CLDN16: variants seen among roughly 807,000 people sequenced by gnomAD.
CLDN16 encodes claudin 16.
CLDN16 carries 13 observed loss-of-function variants against 24.6 expected under a neutral mutation model. The ratio of observed to expected loss-of-function variants is 0.53; its 90% CI spans 0.34 to 0.84. CLDN16 has a LOEUF of 0.84. Ranked by LOEUF, CLDN16 falls within the 40% of genes least tolerant of loss-of-function variation. The pLI is 0.01. For synonymous variants in CLDN16, 116 were observed against 106.7 expected (o/e 1.09, Z -0.54); for missense variants, 298 against 292.7 (o/e 1.02, Z -0.13).
At chr3:190,377,575 A>G (rs1318331291) in intron 3 of CLDN16, among the ~76,000 whole-genome samples, 1 of 152,076 alleles carries the variant, frequency 6.6e-6, no homozygotes, top group Non-Finnish European at 1.5e-5. Flanking sequence ...TGTGAAAATA[A>G]GTAACAGTTA....
In CLDN16 at chr3:190,336,080, AGTT is replaced by A. The variant is rs71674427; in HGVS notation, n.121+13425_121+13427del. Among the ~76,000 whole-genome samples, 1,027 of 152,236 alleles carry A rather than the reference AGTT, an allele frequency of 6.7e-3. 5 individuals carry two copies. The highest frequency in any genetic ancestry group is 0.023 in the African/African-American group (975 of 41,536). On this transcript the variant is annotated intron_variant and non_coding_transcript_variant, in intron 1 of 4. Transcript: ENST00000468220. Reference sequence around the variant, plus strand: ...ATTATGGAACGTGGAATTTGGTGTTAGTTGTTGTGTGCCTTTTGGTTACTCAGG... The same window carrying A: ...ATTATGGAACGTGGAATTTGGTGTTAGTTGTGTGCCTTTTGGTTACTCAGG...
chr3:190,406,484 A>C (rs1289570878), intron 3 of CLDN16, among the ~76,000 whole-genome samples: 1 of 152,222 alleles, frequency 6.6e-6, no homozygotes, highest in Non-Finnish European at 1.5e-5. Context: ...CAAAACAAAT[A>C]GCATTTAAAA....
At chr3:190,313,592 A>C in the CLDN16 span, among the ~76,000 whole-genome samples, 1 of 152,202 alleles carries the variant, frequency 6.6e-6, no homozygotes, top group Non-Finnish European at 1.5e-5. Flanking sequence ...ATCTCCAGTG[A>C]TGTGAATAGG....
intron 1 of CLDN16, among the ~76,000 whole-genome samples, chr3:190,333,375 A>G (rs1180545993): frequency 2.0e-5 from 3 of 152,162 alleles, no homozygotes; most frequent in Non-Finnish European, 4.4e-5. Flanking sequence ...TGGCACTGTA[A>G]GTATGTTAAC....
chr3:190,330,641 G>C (rs1250119842), intron 1 of CLDN16, among the ~76,000 whole-genome samples: 1 of 152,114 alleles, frequency 6.6e-6, no homozygotes, highest in Non-Finnish European at 1.5e-5. Flanking sequence ...GTTATCTCTT[G>C]TAATAACTGG....
chr3:190,395,995 T>C (rs1341221707), intron 1 of CLDN16, among the ~76,000 whole-genome samples: 2 of 152,148 alleles, frequency 1.3e-5, no homozygotes, highest in Non-Finnish European at 2.9e-5. Flanking sequence ...TTCTCAAGTA[T>C]TTTTTAGTGT....
At chr3:190,335,057 C>CTTTTTTTT (rs1560081025) in intron 1 of CLDN16, among the ~76,000 whole-genome samples, 1 of 138,242 alleles carries the variant, frequency 7.2e-6, no homozygotes, top group Non-Finnish European at 1.6e-5. Context: ...TGTTTGTTTG[C>CTTTTTTTT]TTTTGAGATG....
At chr3:190,372,110 C>T (rs572781291) in intron 2 of CLDN16, among the ~76,000 whole-genome samples, 1 of 152,066 alleles carries the variant, frequency 6.6e-6, no homozygotes, top group Non-Finnish European at 1.5e-5. Context: ...TAGGTCACAT[C>T]CCAGCAGGAT....
chr3:190,390,220 A>T (rs548999373), intron 1 of CLDN16, among the ~76,000 whole-genome samples: 1 of 152,338 alleles, frequency 6.6e-6, no homozygotes, highest in South Asian at 2.1e-4. Flanking sequence ...GTATTGCTAT[A>T]ATATTCCCAA....
intron 1 of CLDN16, among the ~76,000 whole-genome samples, chr3:190,342,325 A>G (rs1458083067): frequency 6.6e-6 from 1 of 152,240 alleles, no homozygotes; most frequent in Non-Finnish European, 1.5e-5. Context: ...CAATTATGGC[A>G]GAAGGTGAAA....
Position 190,402,371 on chromosome 3 carries a change from GC to G in CLDN16, c.150del (p.Cys50TrpfsTer24). 1 of 1,614,018 alleles carries G rather than the reference GC, an allele frequency of 6.2e-7. No individual in the cohort carries two copies. Among genetic ancestry groups the G allele is most frequent in the Non-Finnish European group, 8.5e-7 (1 of 1,180,000 alleles). On this transcript the variant is annotated frameshift_variant, in exon 2 of 5. Transcript: ENST00000264734. LOFTEE classifies it high-confidence loss of function. ...STKCRGLWWECVTNAFDGIRT... is the reference protein window; with the variant it reads ...STKCRGLWWEXVTNAFDGIRT... ...AAATGCCGAGGCCTCTGGTGGGAATGCGTCACAAATGCTTTTGATGGGATTC... is the reference window on the plus strand; with the variant it reads ...AAATGCCGAGGCCTCTGGTGGGAATGGTCACAAATGCTTTTGATGGGATTC...
chr3:190,359,498 T>A (rs76936295), intron 1 of CLDN16, among the ~76,000 whole-genome samples: 4,312 of 152,182 alleles, frequency 0.028, 96 homozygotes, highest in East Asian at 0.056. Flanking sequence ...TAATGCTTCA[T>A]TTTTTGATGT....
the CLDN16 span, among the ~76,000 whole-genome samples, chr3:190,292,975 C>T: frequency 6.6e-6 from 1 of 152,236 alleles, no homozygotes; most frequent in African/African-American, 2.4e-5. Flanking sequence ...TCCAAAGTTG[C>T]TTCCACATTT....
chr3:190,407,705 G>A (rs1339020973), intron 3 of CLDN16, among the ~76,000 whole-genome samples: 1 of 152,164 alleles, frequency 6.6e-6, no homozygotes, highest in Non-Finnish European at 1.5e-5. Context: ...CTTATATGGT[G>A]TGAGGGTAGT....
At chr3:190,380,257 T>TTCCTTC (rs1330460824) in intron 3 of CLDN16, among the ~76,000 whole-genome samples, 73 of 14,552 alleles carry the variant, frequency 5.0e-3, no homozygotes, top group East Asian at 0.025. Context: ...TTCCTTCCTT[T>TTCCTTC]CTTCCTTCCT....
chr3:190,293,780 A>G, the CLDN16 span, among the ~76,000 whole-genome samples: 1 of 152,352 alleles, frequency 6.6e-6, no homozygotes, highest in South Asian at 2.1e-4. Flanking sequence ...AAAGAAACAG[A>G]GAAACAGTTA....
upstream of CLDN16, chr3:190,322,147 G>A (rs778676405): frequency 6.8e-6 from 11 of 1,614,106 alleles, no homozygotes; most frequent in Non-Finnish European, 5.9e-6. Context: ...TGACGATGGC[G>A]CCGATCCATC....
At chr3:190,387,137 T>C (rs1718520501), upstream of CLDN16, among the ~76,000 whole-genome samples, 1 of 152,188 alleles carries the variant, frequency 6.6e-6, no homozygotes, top group Non-Finnish European at 1.5e-5. Context: ...ACTTTGTTTT[T>C]ACTGTTCTCA....
the CLDN16 span, among the ~76,000 whole-genome samples, chr3:190,299,950 G>T: frequency 1.8e-4 from 28 of 152,256 alleles, 1 homozygote; most frequent in South Asian, 5.6e-3. Flanking sequence ...CCATGAGAAC[G>T]GAAGCCATAC....
Sources: gnomAD v4.1 joint callset for allele counts (sites outside exome capture counted in the v4.1 genomes callset) on GRCh38, gnomAD v4.1.1 for gene constraint, MANE v1.5 for transcripts, NCBI Gene and HGNC (gene_info 2026-07-23, HGNC 2026-07-21) for gene names.